DOCK3: variants seen among roughly 807,000 people sequenced by gnomAD.
DOCK3 encodes dedicator of cytokinesis 3.
A neutral mutation model predicts 265.6 loss-of-function variants in DOCK3; 60 were observed. The observed-to-expected ratio is 0.23, with a 90% CI of 0.18 to 0.28. The LOEUF (loss-of-function observed/expected upper bound fraction) is 0.28, where lower values mean the gene tolerates loss of function less well. DOCK3 is among the 10% of genes least tolerant of loss of function. The pLI, the probability that DOCK3 is intolerant of heterozygous loss-of-function variation, is 1.00. For missense variants in DOCK3, 1,981 were observed against 2,594.3 expected, an observed-to-expected ratio of 0.76 and a Z score of 5.14; for synonymous variants, 881 against 938.0, an observed-to-expected ratio of 0.94 and a Z score of 1.11.
chr3:50,937,600 G>T (rs962476021), intron 5 of DOCK3, among the ~76,000 whole-genome samples: 5 of 150,928 alleles, frequency 3.3e-5, no homozygotes, highest in African/African-American at 1.2e-4. Flanking sequence ...AGCTTGCAGT[G>T]AGCAGAGATG....
chr3:51,290,419 G>A (rs1217886092), intron 27 of DOCK3, among the ~76,000 whole-genome samples: 1 of 152,076 alleles, frequency 6.6e-6, no homozygotes, highest in East Asian at 1.9e-4. Flanking sequence ...ATCATTCTCA[G>A]CAAACTATCG....
At chr3:51,259,132 CCTT>C (rs1280225820) in intron 22 of DOCK3, among the ~76,000 whole-genome samples, 1 of 152,186 alleles carries the variant, frequency 6.6e-6, no homozygotes, top group Non-Finnish European at 1.5e-5. Context: ...CACACTAAAT[CCTT>C]CTACAGAATC....
chr3:51,217,990 C>T (rs567147013), intron 14 of DOCK3, among the ~76,000 whole-genome samples: 2 of 151,700 alleles, frequency 1.3e-5, no homozygotes, highest in South Asian at 2.1e-4. Context: ...TCGTGGTGGG[C>T]GCCTGTAATC....
chr3:51,375,791 C>T lies in DOCK3; in HGVS notation c.5456C>T (p.Ala1819Val). The change falls in exon 51 of 53, where the codon GCC (alanine) becomes GTC (valine). Residue 1819 changes from alanine to valine, a missense_variant. Coordinates refer to ENST00000266037, the MANE Select transcript of DOCK3 (RefSeq NM_004947.5). The stretch of plus-strand genomic sequence containing the variant: ...GCCCTGTTCCAGCAAGTGGTCGGAG[C>T]CTGCAAACCCTGCAGTGATCCCAAT... ...QRALFQQVVG[A>V]CKPCSDPNLS... The T allele has an allele frequency of 1.2e-6, 2 of 1,613,974 alleles. No homozygotes were observed. The highest frequency in any genetic ancestry group is 1.1e-5 in the South Asian group (1 of 91,076).
At chr3:51,216,187 C>T (rs1178412091) in intron 14 of DOCK3, among the ~76,000 whole-genome samples, 1 of 152,112 alleles carries the variant, frequency 6.6e-6, no homozygotes, top group Non-Finnish European at 1.5e-5. Flanking sequence ...GGGATTAAAA[C>T]CAAGTGATCA....
chr3:51,305,901 C>CAATCAT (rs1403950240), intron 27 of DOCK3, among the ~76,000 whole-genome samples: 1 of 133,058 alleles, frequency 7.5e-6, no homozygotes, highest in Non-Finnish European at 1.5e-5. Flanking sequence ...TGCTGTGGCA[C>CAATCAT]AATCATAGCT....
chr3:50,879,436 T>C (rs9815814), intron 3 of DOCK3, among the ~76,000 whole-genome samples: 4,712 of 149,338 alleles, frequency 0.032, 266 homozygotes, highest in African/African-American at 0.11. Flanking sequence ...GGAGGAAGAT[T>C]TACCAAGCAA....
intron 10 of DOCK3, 27 bp from the exon 11 acceptor site, chr3:51,159,217 C>T: frequency 6.2e-7 from 1 of 1,607,560 alleles, no homozygotes; most frequent in Non-Finnish European, 8.5e-7. Context: ...GTATTCCTTG[C>T]CTGAATTTAC....
At chr3:51,019,291 GT>G (rs1030833783) in intron 5 of DOCK3, among the ~76,000 whole-genome samples, 1 of 151,778 alleles carries the variant, frequency 6.6e-6, no homozygotes, top group Admixed American at 6.6e-5. Context: ...TTGAATTTTA[GT>G]CATGGAAATA....
At chr3:51,338,746 T>C (rs1214267692) in intron 36 of DOCK3, among the ~76,000 whole-genome samples, 189 bp from the exon 37 acceptor site, 1 of 152,184 alleles carries the variant, frequency 6.6e-6, no homozygotes, top group African/African-American at 2.4e-5. Context: ...AGGGCTCCCA[T>C]AGACCTGCCA....
At chr3:51,356,026 CAG>C (rs1408687711) in intron 41 of DOCK3, 61 bp from the exon 42 acceptor site, 5 of 1,600,486 alleles carry the variant, frequency 3.1e-6, no homozygotes, top group African/African-American at 1.3e-5. Context: ...GAGGAGATGA[CAG>C]GGGTCAGCCT....
Position 51,265,215 on chromosome 3 carries a change from G to A in DOCK3, c.2355+4889G>A, listed in dbSNP as rs112906729. Among the ~76,000 whole-genome samples the A allele has an allele frequency of 1.1e-4, 16 of 151,990 alleles. 2 individuals carry two copies. The highest frequency in any genetic ancestry group is 6.8e-3 in the Middle Eastern group (2 of 294). ...TGAAATTGAGGTAGAAATTAGCAGC[G>A]TACAACCAAAAAAATCCCAGGACCA... On this transcript the variant is annotated intron_variant, in intron 23 of 52. Coordinates refer to ENST00000266037, the MANE Select transcript of DOCK3 (RefSeq NM_004947.5).
intron 5 of DOCK3, among the ~76,000 whole-genome samples, chr3:50,946,941 C>T (rs1253990095): frequency 6.6e-6 from 1 of 152,096 alleles, no homozygotes; most frequent in South Asian, 2.1e-4. Context: ...TGTACAGTCA[C>T]TGTAAAAATC....
At chr3:51,296,986 C>T (rs531409773) in intron 27 of DOCK3, among the ~76,000 whole-genome samples, 32 of 151,556 alleles carry the variant, frequency 2.1e-4, no homozygotes, top group Admixed American at 1.8e-3. Context: ...GGCATGGTGG[C>T]GGGCACTTGT....
chr3:50,833,473 C>G (rs1318299582), intron 2 of DOCK3, among the ~76,000 whole-genome samples: 11 of 152,066 alleles, frequency 7.2e-5, no homozygotes, highest in Non-Finnish European at 4.4e-5. Flanking sequence ...GAACTGTGTT[C>G]CATAAGGAAT....
intron 3 of DOCK3, among the ~76,000 whole-genome samples, chr3:50,842,458 T>C (rs1329208925): frequency 6.6e-6 from 1 of 152,202 alleles, no homozygotes; most frequent in African/African-American, 2.4e-5. Flanking sequence ...TTCAGTTTTA[T>C]TAGTTTTAAG....
In DOCK3 at chr3:51,350,442, C is replaced by T. The variant is rs765986439; in HGVS notation, c.4107+50C>T. ...GAACTTATATATTTTACGCATAATT[C>T]ACTTAAAACCGATATTCTTTTCTTC... On this transcript the variant is annotated intron_variant, in intron 40 of 52. Coordinates refer to ENST00000266037, the MANE Select transcript of DOCK3 (RefSeq NM_004947.5). 7.0e-6 allele frequency: 11 copies of T among 1,565,420 alleles called. No individual in the cohort carries two copies. The East Asian group carries it at 2.2e-4, about 32-fold the overall frequency.
intron 21 of DOCK3, among the ~76,000 whole-genome samples, chr3:51,245,328 G>A (rs1193802345): frequency 6.6e-6 from 1 of 151,512 alleles, no homozygotes; most frequent in Non-Finnish European, 1.5e-5. Flanking sequence ...TAGAGCAAGT[G>A]TCTGTCTCAA....
At chr3:51,126,909 C>T (rs1262673209) in intron 9 of DOCK3, among the ~76,000 whole-genome samples, 1 of 152,106 alleles carries the variant, frequency 6.6e-6, no homozygotes, top group African/African-American at 2.4e-5. Flanking sequence ...GATCTCCCTC[C>T]TTTCACCTTC....
Sources: gnomAD v4.1 joint callset for allele counts (sites outside exome capture counted in the v4.1 genomes callset) on GRCh38, gnomAD v4.1.1 for gene constraint, MANE v1.5 for transcripts, NCBI Gene and HGNC (gene_info 2026-07-23, HGNC 2026-07-21) for gene names.